ARHGEF10L: variants seen among roughly 807,000 people sequenced by gnomAD.
ARHGEF10L encodes Rho guanine nucleotide exchange factor 10 like, also known as rho guanine nucleotide exchange factor 10-like protein.
ARHGEF10L carries 69 observed loss-of-function variants against 141.2 expected under a neutral mutation model. The ratio of observed to expected loss-of-function variants is 0.49; its 90% CI spans 0.40 to 0.60. ARHGEF10L has a LOEUF of 0.60. ARHGEF10L is among the 20% of genes least tolerant of loss of function. ARHGEF10L has a pLI of 0.00. For missense variants in ARHGEF10L, 1,482 were observed against 1,734.3 expected, an observed-to-expected ratio of 0.85 and a Z score of 2.58; for synonymous variants, 711 against 718.5, an observed-to-expected ratio of 0.99 and a Z score of 0.17.
intron 28 of ARHGEF10L, among the ~76,000 whole-genome samples, chr1:17,696,573 G>T (rs1313130434): frequency 1.3e-5 from 2 of 152,204 alleles, no homozygotes; most frequent in Admixed American, 1.3e-4. Context: ...TTTCTAGGCA[G>T]AGGAGCTGCT....
At chr1:17,583,059 G>GAAAAA (rs34079639) in intron 2 of ARHGEF10L, among the ~76,000 whole-genome samples, 1 of 139,834 alleles carries the variant, frequency 7.2e-6, no homozygotes, top group African/African-American at 2.7e-5. Context: ...TACAAAAAAT[G>GAAAAA]AAAAAAAAAA....
intron 15 of ARHGEF10L, among the ~76,000 whole-genome samples, chr1:17,631,644 C>T (rs867482409): frequency 1.3e-5 from 2 of 152,168 alleles, no homozygotes; most frequent in Admixed American, 6.5e-5. Context: ...ACACGTGACC[C>T]GTGTCATCAC....
intron 2 of ARHGEF10L, among the ~76,000 whole-genome samples, chr1:17,581,113 G>A (rs1358471080): frequency 1.3e-5 from 2 of 151,928 alleles, no homozygotes; most frequent in Admixed American, 6.6e-5. Context: ...TCACGAGTTC[G>A]GGACCAGCCT....
At chr1:17,631,884 G>T (rs1460664502) in intron 15 of ARHGEF10L, among the ~76,000 whole-genome samples, 1 of 152,240 alleles carries the variant, frequency 6.6e-6, no homozygotes, top group Non-Finnish European at 1.5e-5. Flanking sequence ...GCCCCCACTT[G>T]GTAGCTGAGT....
At chr1:17,632,612 C>T in intron 16 of ARHGEF10L, 146 bp downstream of exon 16, 1 of 1,093,904 alleles carries the variant, frequency 9.1e-7, no homozygotes, top group Admixed American at 2.0e-5. Context: ...ATCCCTCTTG[C>T]CCTGCTCTGC....
chr1:17,520,770 C>T, the ARHGEF10L span, among the ~76,000 whole-genome samples: 1 of 152,210 alleles, frequency 6.6e-6, no homozygotes, highest in Non-Finnish European at 1.5e-5. Context: ...GGACTTCCCT[C>T]ACTTCCTTCT....
intron 1 of ARHGEF10L, among the ~76,000 whole-genome samples, chr1:17,552,216 A>G (rs1038465234): frequency 2.0e-5 from 3 of 151,988 alleles, no homozygotes; most frequent in Non-Finnish European, 4.4e-5. Flanking sequence ...GGAGATGGGG[A>G]GCACTTCCCA....
intron 15 of ARHGEF10L, among the ~76,000 whole-genome samples, chr1:17,629,142 T>A (rs1405355285): frequency 6.6e-6 from 1 of 151,990 alleles, no homozygotes; most frequent in Non-Finnish European, 1.5e-5. Context: ...TGCCTCAGCC[T>A]CTTGAGTAGC....
At chr1:17,606,273 C>A (rs947085845) in intron 6 of ARHGEF10L, among the ~76,000 whole-genome samples, 1 of 152,066 alleles carries the variant, frequency 6.6e-6, no homozygotes, top group Non-Finnish European at 1.5e-5. Flanking sequence ...CGTTTCTGAG[C>A]AGATTTCTTT....
At chr1:17,562,475 C>A (rs2256264) in intron 1 of ARHGEF10L, among the ~76,000 whole-genome samples, 2 of 152,080 alleles carry the variant, frequency 1.3e-5, no homozygotes, top group Non-Finnish European at 2.9e-5. Context: ...CACCTCATAG[C>A]GTTGTGAGGA....
intron 15 of ARHGEF10L, among the ~76,000 whole-genome samples, chr1:17,631,838 T>C (rs537167734): frequency 6.6e-6 from 1 of 152,366 alleles, no homozygotes; most frequent in South Asian, 2.1e-4. Flanking sequence ...GGTCACATGT[T>C]CATTACCTTG....
At chr1:17,626,441 C>T (rs2060391102) in intron 14 of ARHGEF10L, among the ~76,000 whole-genome samples, 2 of 152,068 alleles carry the variant, frequency 1.3e-5, no homozygotes, top group Non-Finnish European at 2.9e-5. Flanking sequence ...CACACAGGGT[C>T]CTGGAGAGCT....
chr1:17,583,186 CAG>C (rs1384454590), intron 2 of ARHGEF10L, among the ~76,000 whole-genome samples: 2 of 126,188 alleles, frequency 1.6e-5, no homozygotes, highest in Non-Finnish European at 3.2e-5. Context: ...GCCTGGGTGA[CAG>C]AGTGAGCTTC....
intron 1 of ARHGEF10L, among the ~76,000 whole-genome samples, chr1:17,546,133 G>A (rs2076905570): frequency 6.6e-6 from 1 of 152,000 alleles, no homozygotes; most frequent in East Asian, 1.9e-4. Flanking sequence ...TGTGCTGTGT[G>A]GATCACCCTG....
the ARHGEF10L span, among the ~76,000 whole-genome samples, chr1:17,521,005 C>A: frequency 3.2e-3 from 485 of 152,308 alleles, 4 homozygotes; most frequent in African/African-American, 0.011. Flanking sequence ...TTCCACTCGG[C>A]TCTCTCCCAT....
chr1:17,696,472 T>C (rs2065509700), intron 28 of ARHGEF10L, among the ~76,000 whole-genome samples: 1 of 151,976 alleles, frequency 6.6e-6, no homozygotes, highest in Non-Finnish European at 1.5e-5. Context: ...GGCGAGCAGC[T>C]CCCCATGCAT....
At chr1:17,675,772 G>T (rs541376056) in intron 26 of ARHGEF10L, among the ~76,000 whole-genome samples, 1 of 147,876 alleles carries the variant, frequency 6.8e-6, no homozygotes, top group South Asian at 2.2e-4. Context: ...ATGAGTGCAG[G>T]TATGGGTGCA....
the ARHGEF10L span, among the ~76,000 whole-genome samples, chr1:17,532,655 C>T: frequency 6.8e-6 from 1 of 146,322 alleles, no homozygotes; most frequent in African/African-American, 2.5e-5. Flanking sequence ...AGTGAAGTGG[C>T]GTGATCTCGG....
At chr1:17,670,957 T>G (rs2063282332) in intron 26 of ARHGEF10L, among the ~76,000 whole-genome samples, 1 of 152,260 alleles carries the variant, frequency 6.6e-6, no homozygotes, top group Non-Finnish European at 1.5e-5. Context: ...CCACCCTGAC[T>G]GCTCCAGCCG....
Sources: allele counts gnomAD v4.1 joint callset (sites outside exome capture counted in the v4.1 genomes callset), GRCh38; gene constraint gnomAD v4.1.1; transcripts MANE v1.5; gene names NCBI Gene and HGNC (gene_info 2026-07-23, HGNC 2026-07-21).